TERB1: variants seen among roughly 807,000 people sequenced by gnomAD.
TERB1 encodes telomere repeats-binding bouquet formation protein 1.
TERB1 carries 63 observed loss-of-function variants against 92.3 expected under a neutral mutation model. The ratio of observed to expected loss-of-function variants is 0.68; its 90% CI spans 0.56 to 0.84. The LOEUF is 0.84. Ranked by LOEUF, TERB1 falls within the 40% of genes least tolerant of loss-of-function variation. TERB1 has a pLI of 0.00. For missense variants in TERB1, 709 were observed against 843.7 expected, an observed-to-expected ratio of 0.84 and a Z score of 1.98; for synonymous variants, 252 against 283.9, an observed-to-expected ratio of 0.89 and a Z score of 1.13.
intron 16 of TERB1, 146 bp downstream of exon 16, chr16:66,767,269 G>A (rs541576155): frequency 3.9e-6 from 2 of 517,934 alleles, no homozygotes; most frequent in African/African-American, 2.1e-5. Context: ...AACCTGGGAG[G>A]TGGAGAGTGC....
At chr16:66,795,841 C>T (rs1391377806) in intron 3 of TERB1, among the ~76,000 whole-genome samples, 16 of 152,206 alleles carry the variant, frequency 1.1e-4, no homozygotes, top group Admixed American at 1.0e-3. Context: ...CTTGACCTCC[C>T]AGGCTCAAGT....
chr16:66,800,750 G>C (rs953832228), intron 2 of TERB1, among the ~76,000 whole-genome samples: 4 of 152,018 alleles, frequency 2.6e-5, no homozygotes, highest in African/African-American at 2.4e-5. Context: ...ATTTGTTTTC[G>C]ATCGTTTAAA....
chr16:66,757,996 A>C (rs1335918325), intron 18 of TERB1, among the ~76,000 whole-genome samples: 4 of 152,218 alleles, frequency 2.6e-5, no homozygotes, highest in African/African-American at 9.6e-5. Flanking sequence ...TATAGTTATG[A>C]ACAAAAACCT....
chr16:66,761,002 C>T (rs1369915611), intron 16 of TERB1, among the ~76,000 whole-genome samples: 7 of 144,322 alleles, frequency 4.9e-5, no homozygotes, highest in Non-Finnish European at 1.0e-4. Flanking sequence ...GTCCCAGCTA[C>T]TTGGGAGGCT....
In TERB1 at chr16:66,785,779, C is replaced by T. The variant is rs752593640; in HGVS notation, c.700+7G>A. 17 of 1,519,834 alleles carry T rather than the reference C, an allele frequency of 1.1e-5. No homozygotes were observed. The South Asian group carries it at 2.2e-4, about 20-fold the overall frequency. The allele number at this position is 1,519,834 out of a possible 1,614,324, so 94.1% of individuals were successfully genotyped here. On this transcript the variant is annotated splice_region_variant and intron_variant, in intron 9 of 18. Transcript: ENST00000433154. The stretch of plus-strand genomic sequence containing the variant: ...CAACTATGACCTAGAAAATAACGAA[C>T]ACTTACTGTTATTTGCAAGAGTGAG...
At chr16:66,759,003 T>C in intron 17 of TERB1, 138 bp downstream of exon 17, 2 of 958,118 alleles carry the variant, frequency 2.1e-6, no homozygotes, top group Non-Finnish European at 3.1e-6. Flanking sequence ...TGGGTACATC[T>C]TCAATTACTT....
intron 9 of TERB1, among the ~76,000 whole-genome samples, chr16:66,782,212 T>C (rs751115990): frequency 3.2e-4 from 48 of 152,302 alleles, no homozygotes; most frequent in Middle Eastern, 3.4e-3. Flanking sequence ...CAACAATATA[T>C]GTATGAGTCT....
At chr16:66,790,875 G>T in intron 4 of TERB1, 34 bp downstream of exon 4, 1 of 1,456,032 alleles carries the variant, frequency 6.9e-7, no homozygotes, top group Non-Finnish European at 9.4e-7. Context: ...TAAAGAACTA[G>T]AATCACAGAT....
At chr16:66,798,610 A>C (rs1959213461) in intron 2 of TERB1, among the ~76,000 whole-genome samples, 2 of 152,264 alleles carry the variant, frequency 1.3e-5, no homozygotes, top group South Asian at 2.1e-4. Context: ...GCTATGTTAC[A>C]AAGTTAACCA....
At chr16:66,778,842 C>A in intron 10 of TERB1, 21 bp downstream of exon 10, 1 of 1,455,908 alleles carries the variant, frequency 6.9e-7, no homozygotes. Context: ...TTCAAAAAAA[C>A]TAGTAAGCAC....
chr16:66,792,951 A>G (rs1295978239), intron 3 of TERB1, among the ~76,000 whole-genome samples: 1 of 152,022 alleles, frequency 6.6e-6, no homozygotes, highest in East Asian at 1.9e-4. Context: ...ACATTATTGT[A>G]CACTACTGTA....
intron 14 of TERB1, among the ~76,000 whole-genome samples, chr16:66,768,998 G>A (rs550908315): frequency 3.3e-5 from 5 of 151,892 alleles, no homozygotes; most frequent in Non-Finnish European, 7.4e-5. Context: ...CCAGCTACTC[G>A]GGAGGCTGAG....
At chr16:66,786,410 C>A in intron 6 of TERB1, 125 bp from the exon 7 acceptor site, 1 of 677,180 alleles carries the variant, frequency 1.5e-6, no homozygotes, top group Non-Finnish European at 2.5e-6. Flanking sequence ...CAAAGTATAA[C>A]ATAGAATTAC....
At chr16:66,774,683 C>CCTTTTTTTTTTTTT (rs386384962) in intron 12 of TERB1, among the ~76,000 whole-genome samples, 1 of 40,218 alleles carries the variant, frequency 2.5e-5, no homozygotes, top group African/African-American at 1.4e-4. Context: ...CTCTGATTTT[C>CCTTTTTTTTTTTTT]TTTTTTTTTT....
Position 66,759,252 on chromosome 16 carries a change from A to C in TERB1, c.1819T>G (p.Phe607Val), listed in dbSNP as rs779131904. The C allele has an allele frequency of 2.8e-5, 43 of 1,545,256 alleles. No homozygotes were observed. The highest frequency in any genetic ancestry group is 1.2e-5 in the South Asian group (1 of 82,056). ...GGGCAAGAGTGCAAGAGCTTGCTAA[A>C]GTTTCGGCTATTCAGGGATTTTTCT... is the stretch of plus-strand genomic sequence containing the variant. ...AVEKSLNSRN[F>V]SKLLHSCPYQ... The change falls in exon 17 of 19, where the codon TTT (phenylalanine) becomes GTT (valine). Residue 607 changes from phenylalanine (F) to valine (V), a missense_variant. Phe to Val is a conservative substitution (Grantham distance 50). Coordinates refer to ENST00000433154, the MANE Select transcript of TERB1 (RefSeq NM_001136505.2).
intron 3 of TERB1, 88 bp downstream of exon 3, chr16:66,796,680 T>G: frequency 1.0e-6 from 1 of 954,872 alleles, no homozygotes; most frequent in Non-Finnish European, 1.6e-6. Context: ...TGAATGATTC[T>G]TTCATTTCCT....
chr16:66,770,116 T>A lies in TERB1; in HGVS notation c.1466A>T (p.Asp489Val). ...GCTCTTTAACGGTGTCTTCATTTGG[T>A]CATCATTTGTACATGCTTTAGACAT... Reference protein sequence around the residue: ...GVMSKACTNDDQMKTPLKSAN... With the variant: ...GVMSKACTNDVQMKTPLKSAN... Residue 489 changes from aspartate (D) to valine (V), a missense_variant, in exon 14 of 19, where the codon GAC becomes GTC. Physicochemically the swap from Asp to Val is radical, Grantham distance 152 (BLOSUM62 -3). Transcript: ENST00000433154. 1 of 1,552,240 alleles carries A rather than the reference T, an allele frequency of 6.4e-7. No homozygotes were observed. The highest frequency in any genetic ancestry group is 8.7e-7 in the Non-Finnish European group (1 of 1,147,114).
chr16:66,768,097 A>C lies in TERB1; in HGVS notation c.1684+7T>G. On this transcript the variant is annotated splice_region_variant and intron_variant, in intron 15 of 18. Transcript: ENST00000433154. ...TTAAAAAACCAAAGAAACATTTTTA[A>C]TCATACCTGTTACTGGTAACTGCTG... 1 of 1,543,656 alleles carries C rather than the reference A, an allele frequency of 6.5e-7. No individual in the cohort carries two copies. The highest frequency in any genetic ancestry group is 8.8e-7 in the Non-Finnish European group (1 of 1,140,540).
chr16:66,798,920 T>C (rs1223772668), intron 2 of TERB1, among the ~76,000 whole-genome samples: 1 of 152,236 alleles, frequency 6.6e-6, no homozygotes, highest in East Asian at 1.9e-4. Flanking sequence ...GGGCAAATAA[T>C]TTGACTAACT....
Sources: allele counts gnomAD v4.1 joint callset (sites outside exome capture counted in the v4.1 genomes callset), GRCh38; gene constraint gnomAD v4.1.1; transcripts MANE v1.5; gene names NCBI Gene and HGNC (gene_info 2026-07-23, HGNC 2026-07-21).